Variants in FOLH1 observed in about 807,000 individuals in gnomAD.
FOLH1 encodes the protein folate hydrolase 1.
In FOLH1, 54 loss-of-function variants were observed where a neutral mutation model predicts 93.9. The observed-to-expected ratio is 0.57, with a 90% CI of 0.46 to 0.72. The LOEUF (loss-of-function observed/expected upper bound fraction) is 0.72, where lower values mean the gene tolerates loss of function less well. FOLH1 is among the 30% of genes least tolerant of loss of function. The pLI, the probability that FOLH1 is intolerant of heterozygous loss-of-function variation, is 0.00. For synonymous variants in FOLH1, 249 were observed against 303.6 expected (o/e 0.82, Z 1.87); for missense variants, 571 against 892.5 (o/e 0.64, Z 4.59).
At chr11:49,168,400 A>C (rs1157115013) in intron 12 of FOLH1, among the ~76,000 whole-genome samples, 3 of 152,136 alleles carry the variant, frequency 2.0e-5, no homozygotes, top group Non-Finnish European at 4.4e-5. Flanking sequence ...ATTTTCATGA[A>C]AATCAATCTG....
rs185551032 is a variant in FOLH1, at chr11:49,200,594, A to G, written c.225-153T>C. 1.3e-3 allele frequency among the ~76,000 whole-genome samples: 201 copies of G among 152,332 alleles called. 1 individual carries two copies. Among genetic ancestry groups the G allele is most frequent in the African/African-American group, 4.5e-3 (188 of 41,578 alleles). The stretch of plus-strand genomic sequence containing the variant: ...GTATTATTGCATGAAATAGATTTTC[A>G]AAGTCTGCTTTGAAATTTTTATGCT... On this transcript the variant is annotated intron_variant, in intron 2 of 18. Coordinates refer to ENST00000256999, the MANE Select transcript of FOLH1 (RefSeq NM_004476.3).
At chr11:49,155,037 G>C (rs1202011642) in intron 15 of FOLH1, among the ~76,000 whole-genome samples, 1 of 152,024 alleles carries the variant, frequency 6.6e-6, no homozygotes, top group Non-Finnish European at 1.5e-5. Flanking sequence ...GCCCAGACAG[G>C]TGTCAGGAAA....
chr11:49,174,177 A>G (rs1021119604), intron 9 of FOLH1, among the ~76,000 whole-genome samples: 2 of 152,190 alleles, frequency 1.3e-5, no homozygotes, highest in Non-Finnish European at 2.9e-5. Context: ...GTAGCCACTT[A>G]TATATTGTTT....
chr11:49,154,655 T>TA (rs1254405048), intron 15 of FOLH1, among the ~76,000 whole-genome samples, 163 bp from the exon 16 acceptor site: 4 of 152,100 alleles, frequency 2.6e-5, no homozygotes, highest in African/African-American at 9.7e-5. Flanking sequence ...TTATGATACA[T>TA]AAACACATTC....
chr11:49,154,103 C>T, intron 16 of FOLH1, 125 bp downstream of exon 16: 1 of 1,426,366 alleles, frequency 7.0e-7, no homozygotes, highest in African/African-American at 1.4e-5. Flanking sequence ...CATTTATAGA[C>T]ATAAACAGAA....
At chr11:49,201,933 A>G (rs1186889052) in intron 2 of FOLH1, among the ~76,000 whole-genome samples, 1 of 152,236 alleles carries the variant, frequency 6.6e-6, no homozygotes, top group Non-Finnish European at 1.5e-5. Flanking sequence ...TCTTGTCACT[A>G]CCAACTAGGA....
intron 7 of FOLH1, among the ~76,000 whole-genome samples, chr11:49,182,698 G>A (rs1365596984): frequency 6.6e-6 from 1 of 152,214 alleles, no homozygotes; most frequent in East Asian, 1.9e-4. Flanking sequence ...AAAAGAAAGA[G>A]GAGTGTTGGG....
chr11:49,203,926 G>T (rs1354605426), intron 2 of FOLH1, among the ~76,000 whole-genome samples: 2 of 152,190 alleles, frequency 1.3e-5, no homozygotes, highest in African/African-American at 4.8e-5. Context: ...GCCAGCTCTT[G>T]ATGGTCCACA....
chr11:49,183,765 A>T (rs558786900), intron 6 of FOLH1, among the ~76,000 whole-genome samples: 1 of 152,262 alleles, frequency 6.6e-6, no homozygotes, highest in East Asian at 1.9e-4. Flanking sequence ...TTTAAAAAAA[A>T]ATCTACTGTT....
intron 12 of FOLH1, among the ~76,000 whole-genome samples, chr11:49,168,718 G>A (rs61886498): frequency 0.033 from 5,081 of 152,136 alleles, 98 homozygotes; most frequent in Non-Finnish European, 0.051. Context: ...TGATCCACCC[G>A]CTTCAGCCTC....
chr11:49,164,711 T>A lies in FOLH1; in HGVS notation c.1434A>T (p.Thr478=), dbSNP rs1324417027. The A allele has an allele frequency of 4.4e-6, 7 of 1,595,000 alleles. No individual in the cohort carries two copies. The highest frequency in any genetic ancestry group is 6.0e-6 in the Non-Finnish European group (7 of 1,166,262). Residue 478 remains threonine, a synonymous_variant, in exon 13 of 19, where the codon ACA becomes ACT. Coordinates refer to ENST00000256999, the MANE Select transcript of FOLH1 (RefSeq NM_004476.3). ...ATTATATGTAATTATATACCTCTTTTGTTAGGTTGTGTACCAAGCTGTACA... is the reference window on the plus strand; with the variant it reads ...ATTATATGTAATTATATACCTCTTTAGTTAGGTTGTGTACCAAGCTGTACA... The part of the protein sequence containing the change: ...PLMYSLVHNL[T]KELKSPDEGF...
intron 17 of FOLH1, among the ~76,000 whole-genome samples, chr11:49,152,157 T>C (rs960873727): frequency 3.3e-5 from 5 of 152,258 alleles, no homozygotes; most frequent in Non-Finnish European, 5.9e-5. Flanking sequence ...TTGGTGAATA[T>C]CAAATTTTTT....
At chr11:49,168,367 T>C (rs981696534) in intron 12 of FOLH1, among the ~76,000 whole-genome samples, 35 of 152,058 alleles carry the variant, frequency 2.3e-4, no homozygotes, top group African/African-American at 5.8e-4. Context: ...TGGAGCTGGA[T>C]TGTAGTGAAA....
chr11:49,175,714 C>T, intron 8 of FOLH1, 145 bp downstream of exon 8: 3 of 662,020 alleles, frequency 4.5e-6, no homozygotes, highest in Admixed American at 3.3e-5. Flanking sequence ...TCTAATTGTT[C>T]ACAGGCAAAA....
chr11:49,198,095 A>T (rs370733967), intron 3 of FOLH1, among the ~76,000 whole-genome samples: 2 of 151,772 alleles, frequency 1.3e-5, no homozygotes, highest in Non-Finnish European at 2.9e-5. Flanking sequence ...TGGTAACATT[A>T]TGCATGTTTG....
intron 8 of FOLH1, among the ~76,000 whole-genome samples, chr11:49,175,423 G>C (rs1005065551): frequency 6.6e-6 from 1 of 152,120 alleles, no homozygotes; most frequent in Non-Finnish European, 1.5e-5. Context: ...CACTACATGA[G>C]TTCAATCTTC....
chr11:49,163,619 C>T (rs1385655092), intron 13 of FOLH1, among the ~76,000 whole-genome samples: 1 of 151,768 alleles, frequency 6.6e-6, no homozygotes, highest in African/African-American at 2.4e-5. Flanking sequence ...GTGGGGCCTG[C>T]AGACCATCAC....
intron 15 of FOLH1, among the ~76,000 whole-genome samples, chr11:49,156,242 G>T (rs1238676083): frequency 6.6e-6 from 1 of 151,918 alleles, no homozygotes; most frequent in South Asian, 2.1e-4. Flanking sequence ...CAGGAAAACA[G>T]ACTAATATAT....
At chr11:49,155,828 ATATATAT>A (rs1856962895) in intron 15 of FOLH1, among the ~76,000 whole-genome samples, 1 of 136,678 alleles carries the variant, frequency 7.3e-6, no homozygotes, top group African/African-American at 2.7e-5. Context: ...ATATATATAT[ATATATAT>A]AATCAACAAC....
Sources: allele counts gnomAD v4.1 joint callset (sites outside exome capture counted in the v4.1 genomes callset), GRCh38; gene constraint gnomAD v4.1.1; transcripts MANE v1.5; gene names NCBI Gene and HGNC (gene_info 2026-07-23, HGNC 2026-07-21).